Variants in GPC4 observed in about 807,000 individuals in gnomAD.
The protein encoded by GPC4 is glypican 4.
GPC4 carries 10 observed loss-of-function variants against 35.0 expected under a neutral mutation model. The observed-to-expected ratio is 0.29, with a 90% confidence interval of 0.18 to 0.48. GPC4 has a LOEUF of 0.48. GPC4 is among the 20% of genes least tolerant of loss of function. The probability of loss-of-function intolerance (pLI) is 0.99; values close to 1 mark genes in which losing one functional copy is unlikely to be tolerated. For missense variants in GPC4, 322 were observed against 451.3 expected, an observed-to-expected ratio of 0.71 and a Z score of 2.60; for synonymous variants, 167 against 170.2, an observed-to-expected ratio of 0.98 and a Z score of 0.15.
chrX:133,316,821 T>C (rs1280443143), intron 3 of GPC4, among the ~76,000 whole-genome samples: 1 of 112,075 alleles, frequency 8.9e-6, no homozygotes, highest in African/African-American at 3.2e-5. Context: ...CACTGCTGGA[T>C]GTGAAGAGAA....
rs193109540 is a variant in GPC4 at position 133,414,182 on chromosome X, T to C, written c.160+624A>G. Among the ~76,000 whole-genome samples the C allele has an allele frequency of 3.9e-3, 433 of 110,821 alleles. 5 individuals are homozygous for C. The highest frequency in any genetic ancestry group is 0.014 in the African/African-American group (415 of 30,461). ...GAGAGTGGGGGTAGTCGTTTGCTTTTTAAAGGCGACTTCTGAAGCGGTTGC... is the reference window on the plus strand; with the variant it reads ...GAGAGTGGGGGTAGTCGTTTGCTTTCTAAAGGCGACTTCTGAAGCGGTTGC... On this transcript the variant is annotated intron_variant, in intron 1 of 8. Transcript: ENST00000370828.
intron 2 of GPC4, among the ~76,000 whole-genome samples, chrX:133,327,636 A>AGTGTGTGT (rs557359106): frequency 2.1e-3 from 173 of 83,277 alleles, no homozygotes; most frequent in African/African-American, 7.0e-3. Flanking sequence ...TGTCCAGGAA[A>AGTGTGTGT]GTGTGTGTGT....
chrX:133,369,327 T>C (rs745965557), intron 1 of GPC4, among the ~76,000 whole-genome samples: 1 of 111,708 alleles, frequency 9.0e-6, no homozygotes, highest in East Asian at 2.8e-4. Flanking sequence ...GTTTTTCTTA[T>C]ATTTCTGTTA....
chrX:133,353,476 A>C (rs989602865), intron 1 of GPC4, among the ~76,000 whole-genome samples: 3 of 111,960 alleles, frequency 2.7e-5, no homozygotes, highest in Non-Finnish European at 3.8e-5. Context: ...CAACTGGGTG[A>C]GTGGGTGCTC....
intron 3 of GPC4, among the ~76,000 whole-genome samples, chrX:133,319,443 CAAAAAAAAAAA>C (rs369290840): frequency 6.5e-4 from 11 of 16,887 alleles, no homozygotes; most frequent in South Asian, 7.0e-3. Context: ...GACCCTATGT[CAAAAAAAAAAA>C]AAAAAAAAAA....
Position 133,324,270 on chromosome X carries a change from G to T in GPC4, c.586C>A (p.Gln196Lys). The T allele has an allele frequency of 4.1e-6, 5 of 1,211,557 alleles. No homozygotes were observed. The highest frequency in any genetic ancestry group is 5.6e-6 in the Non-Finnish European group (5 of 895,473). ...GGGACATCTCCGAAGGGCTTCAGCT[G>T]CTCCGTATACTTGCTCACACATTCC... The part of the protein sequence containing the change: ...YLECVSKYTE[Q>K]LKPFGDVPRK... Residue 196 changes from glutamine to lysine, a missense_variant, in exon 3 of 9, where the codon CAG (glutamine) becomes AAG (lysine). Around this residue, in one of 3 missense-constraint regions of GPC4, gnomAD observed 163 missense variants for 277.2 expected, o/e 0.59. Transcript: ENST00000370828.
At chrX:133,398,475 A>C (rs969276317) in intron 1 of GPC4, among the ~76,000 whole-genome samples, 6 of 111,875 alleles carry the variant, frequency 5.4e-5, no homozygotes, top group African/African-American at 2.0e-4. Context: ...ACTAAGAAAT[A>C]GGGATCTACT....
At chrX:133,393,054 G>GA (rs1053043448) in intron 1 of GPC4, among the ~76,000 whole-genome samples, 14 of 112,014 alleles carry the variant, frequency 1.2e-4, no homozygotes, top group African/African-American at 4.2e-4. Context: ...TAAAGAATAA[G>GA]AAACTGAATT....
chrX:133,415,078 G>T lies in GPC4; in HGVS notation c.-113C>A. On this transcript the variant is annotated 5_prime_UTR_variant, in exon 1 of 9. Transcript: ENST00000370828. Reference sequence around the variant, plus strand: ...GGACTAGCGAGTGGAGCTGGAGGGAGAAGGAGTTGGAGTTGGTGGAAGAGG... The same window carrying T: ...GGACTAGCGAGTGGAGCTGGAGGGATAAGGAGTTGGAGTTGGTGGAAGAGG... The T allele has an allele frequency of 1.3e-6, 1 of 766,568 alleles. No homozygotes were observed. The highest frequency in any genetic ancestry group is 1.9e-6 in the Non-Finnish European group (1 of 537,245). The allele number at this position is 766,568 out of a possible 1,213,427, so 63.2% of individuals were successfully genotyped here. A position where few individuals can be genotyped will look rare whatever the true frequency, so the allele number is the denominator to read the frequency against.
At chrX:133,318,643 G>C (rs945503232) in intron 3 of GPC4, among the ~76,000 whole-genome samples, 1 of 111,872 alleles carries the variant, frequency 8.9e-6, no homozygotes, top group African/African-American at 3.3e-5. Flanking sequence ...CTTTGGCATA[G>C]GAGCTATTAA....
At chrX:133,338,541 G>C (rs2068453895) in intron 2 of GPC4, among the ~76,000 whole-genome samples, 1 of 111,698 alleles carries the variant, frequency 9.0e-6, no homozygotes, top group African/African-American at 3.3e-5. Context: ...TCAATATTAA[G>C]AGAAAGTGTG....
Position 133,324,481 on chromosome X carries a change from C to T in GPC4, c.375G>A (p.Val125=). 1 of 1,162,630 alleles carries T rather than the reference C, an allele frequency of 8.6e-7. No individual in the cohort carries two copies. The change falls in exon 3 of 9, where the codon GTG becomes GTA. Residue 125 remains valine (V), a synonymous_variant. Transcript: ENST00000370828. ...NAEKSLNDMF[V]KTYGHLYMQN... ...GCATGTATAAATGGCCATATGTCTT[C>T]ACAAACATATCATTCAGGGATTTCT... is the stretch of plus-strand genomic sequence containing the variant.
intron 1 of GPC4, among the ~76,000 whole-genome samples, chrX:133,353,962 T>C (rs2068528566): frequency 8.9e-6 from 1 of 111,829 alleles, no homozygotes; most frequent in Non-Finnish European, 1.9e-5. Flanking sequence ...ACTATAATTA[T>C]CATGAAAAGT....
chrX:133,382,511 C>G (rs367937219), intron 1 of GPC4, among the ~76,000 whole-genome samples: 6 of 105,767 alleles, frequency 5.7e-5, no homozygotes, highest in Non-Finnish European at 9.7e-5. Context: ...GGTGGATCAC[C>G]AGGTCAGGAG....
chrX:133,381,136 G>C (rs909831339), intron 1 of GPC4, among the ~76,000 whole-genome samples: 1 of 111,818 alleles, frequency 8.9e-6, no homozygotes. Flanking sequence ...ACCGGGGTCA[G>C]TGGGCCCCAG....
intron 1 of GPC4, among the ~76,000 whole-genome samples, chrX:133,367,286 T>C (rs1351323860): frequency 1.8e-5 from 2 of 111,514 alleles, no homozygotes; most frequent in Non-Finnish European, 3.8e-5. Flanking sequence ...TTTTCAGACA[T>C]TGGGGTATAG....
At chrX:133,319,443 CAAAAAAA>C (rs369290840) in intron 3 of GPC4, among the ~76,000 whole-genome samples, 68 of 16,885 alleles carry the variant, frequency 4.0e-3, no homozygotes, top group African/African-American at 8.6e-3. Context: ...GACCCTATGT[CAAAAAAA>C]AAAAAAAAAA....
At chrX:133,403,571 G>A (rs977511495) in intron 1 of GPC4, among the ~76,000 whole-genome samples, 8 of 111,196 alleles carry the variant, frequency 7.2e-5, no homozygotes, top group African/African-American at 2.3e-4. Context: ...AAAATATCTC[G>A]TCCTGGAATG....
Position 133,415,255 on chromosome X carries a change from G to A in GPC4, c.-290C>T. On this transcript the variant is annotated 5_prime_UTR_variant, in exon 1 of 9. Coordinates refer to ENST00000370828, the MANE Select transcript of GPC4 (RefSeq NM_001448.3). ...AGAGGCGCGGGCTGGTGACCTCGGG[G>A]TTTCGCGGGGCAGCGAACCCGGCAA... The A allele has an allele frequency of 3.5e-6, 1 of 285,453 alleles. No individual in the cohort carries two copies. Among genetic ancestry groups the A allele is most frequent in the East Asian group, 6.4e-5 (1 of 15,620 alleles). The allele number at this position is 285,453 out of a possible 1,213,427, so 23.5% of individuals were successfully genotyped here.
Sources: allele counts gnomAD v4.1 joint callset (sites outside exome capture counted in the v4.1 genomes callset), GRCh38; gene constraint gnomAD v4.1.1; regional missense constraint gnomAD v4.1.1; transcripts MANE v1.5; gene names NCBI Gene and HGNC (gene_info 2026-07-23, HGNC 2026-07-21).